The following LCT variants were observed in gnomAD, a reference collection of about 807,000 sequenced individuals.
The protein encoded by LCT is lactase/phlorizin hydrolase.
In LCT, 90 loss-of-function variants were observed where a neutral mutation model predicts 173.0. The ratio of observed to expected loss-of-function variants is 0.52; its 90% CI spans 0.44 to 0.62. The LOEUF (loss-of-function observed/expected upper bound fraction) is 0.62. Among genes scored for constraint, LCT ranks in the 20% least tolerant of loss-of-function variants. The pLI is 0.00. For missense variants in LCT, 1,864 were observed against 2,431.4 expected, an observed-to-expected ratio of 0.77 and a Z score of 4.91; for synonymous variants, 853 against 957.6, an observed-to-expected ratio of 0.89 and a Z score of 2.02.
chr2:135,809,112 A>T lies in LCT; in HGVS notation c.3235T>A (p.Phe1079Ile), dbSNP rs571300558. The change falls in exon 8 of 17, where the codon TTT becomes ATT. Residue 1079 changes from phenylalanine to isoleucine, a missense_variant. By Grantham distance (21) the Phe-to-Ile change is conservative. This residue lies in a region of LCT where 755 missense variants were observed against 926.3 expected (regional missense o/e 0.82). Coordinates refer to ENST00000264162, the MANE Select transcript of LCT (RefSeq NM_002299.4). The surrounding 1 kb of genome is among the most constrained non-coding windows in gnomAD (Gnocchi z 5.5). ...LAWLGYGSGE[F>I]PPGVKDPGWA... ...CCTGGGTCCTTCACCCCTGGGGGAAATTCCCCTGAGCCATAACCTAGCCAT... is the reference window on the plus strand; with the variant it reads ...CCTGGGTCCTTCACCCCTGGGGGAATTTCCCCTGAGCCATAACCTAGCCAT... The T allele has an allele frequency of 6.2e-7, 1 of 1,614,100 alleles. No homozygotes were observed. The highest frequency in any genetic ancestry group is 1.3e-5 in the African/African-American group (1 of 75,042).
At chr2:135,828,513 C>T (rs1488760232) in intron 3 of LCT, among the ~76,000 whole-genome samples, 3 of 152,104 alleles carry the variant, frequency 2.0e-5, no homozygotes, top group African/African-American at 7.2e-5. Context: ...TGGGTGCATA[C>T]CAGTGGCCAG....
At chr2:135,830,170 AC>A (rs1282552381) in intron 2 of LCT, among the ~76,000 whole-genome samples, 1 of 151,728 alleles carries the variant, frequency 6.6e-6, no homozygotes, top group Non-Finnish European at 1.5e-5. Flanking sequence ...TTTGAAGTCC[AC>A]CCCCAGTTAT....
At chr2:135,807,025 T>C in intron 9 of LCT, 103 bp downstream of exon 9, 1 of 1,356,796 alleles carries the variant, frequency 7.4e-7, no homozygotes, top group South Asian at 1.2e-5. Context: ...ATGGGTCTGC[T>C]GGAATCTCCT....
Position 135,790,980 on chromosome 2 carries a change from G to T in LCT, c.5112-99C>A. The stretch of plus-strand genomic sequence containing the variant: ...AGGACTTAGACCAGGAAAAGCCTTA[G>T]GTTTTGTCTAGCCTTAAGAATCATA... On this transcript the variant is annotated intron_variant, in intron 14 of 16. Coordinates refer to ENST00000264162, the MANE Select transcript of LCT (RefSeq NM_002299.4). The surrounding 1 kb of genome is among the most constrained non-coding windows in gnomAD (Gnocchi z 4.1). 1 of 896,456 alleles carries T rather than the reference G, an allele frequency of 1.1e-6. No individual in the cohort carries two copies. Among genetic ancestry groups the T allele is most frequent in the South Asian group, 1.4e-5 (1 of 72,376 alleles). The allele number at this position is 896,456 out of a possible 1,614,324, so 55.5% of individuals were successfully genotyped here.
chr2:135,803,220 A>G (rs897523650), intron 11 of LCT, among the ~76,000 whole-genome samples: 19 of 152,242 alleles, frequency 1.2e-4, no homozygotes, highest in African/African-American at 4.6e-4. Context: ...GAAATGATGA[A>G]TGTTTGAGGT....
At chr2:135,797,997 T>C (rs1235977354) in intron 13 of LCT, 32 bp downstream of exon 13, 2 of 1,222,268 alleles carry the variant, frequency 1.6e-6, no homozygotes, top group Admixed American at 1.7e-5. Flanking sequence ...CCGACGCCCA[T>C]GCCCTCACCA....
chr2:135,795,056 C>T (rs2077571720), intron 13 of LCT, among the ~76,000 whole-genome samples: 1 of 152,212 alleles, frequency 6.6e-6, no homozygotes, highest in Non-Finnish European at 1.5e-5. Context: ...CACACACACA[C>T]ACACACACAC....
At chr2:135,835,400 A>G (rs2105560514) in intron 1 of LCT, among the ~76,000 whole-genome samples, 1 of 150,092 alleles carries the variant, frequency 6.7e-6, no homozygotes, top group South Asian at 2.1e-4. Context: ...TATAGGCATG[A>G]GCCACCATGC....
Position 135,833,119 on chromosome 2 carries a change from G to A in LCT, c.712C>T (p.Leu238Phe). ...TTTTGGGCTGCTGTCACCTGGGCAA[G>A]CGCAGATATGGGTGGTTCTAGCAGG... is the stretch of plus-strand genomic sequence containing the variant. ...ELLLEPPISA[L>F]AQDTVDFLSL... The change falls in exon 2 of 17, where the codon CTT (leucine) becomes TTT (phenylalanine). Residue 238 changes from leucine to phenylalanine, a missense_variant. Physicochemically the swap from Leu to Phe is conservative, Grantham distance 22 (BLOSUM62 0). Transcript: ENST00000264162. 6.2e-7 allele frequency: 1 copy of A among 1,613,260 alleles called. No individual in the cohort carries two copies. Among genetic ancestry groups the A allele is most frequent in the Non-Finnish European group, 8.5e-7 (1 of 1,179,272 alleles).
chr2:135,792,445 A>C (rs546632261), intron 14 of LCT, among the ~76,000 whole-genome samples: 1 of 152,344 alleles, frequency 6.6e-6, no homozygotes, highest in South Asian at 2.1e-4. Flanking sequence ...AGCCACAGCC[A>C]ACAGTGTGGG....
intron 2 of LCT, among the ~76,000 whole-genome samples, chr2:135,831,213 C>T (rs146852515): frequency 2.0e-5 from 3 of 152,250 alleles, no homozygotes; most frequent in Non-Finnish European, 4.4e-5. Context: ...TGTTACTGAG[C>T]GAGGCCTCAG....
chr2:135,798,180 G>C, intron 12 of LCT, 42 bp from the exon 13 acceptor site: 1 of 1,034,836 alleles, frequency 9.7e-7, no homozygotes, highest in South Asian at 1.2e-5. Flanking sequence ...GTTACAGGTG[G>C]GCACAGCAAG....
chr2:135,804,211 G>T, intron 10 of LCT, 83 bp from the exon 11 acceptor site: 1 of 1,075,256 alleles, frequency 9.3e-7, no homozygotes, highest in Non-Finnish European at 1.4e-6. Flanking sequence ...ATCAACGTCT[G>T]CTGCAAATCC....
intron 12 of LCT, 47 bp downstream of exon 12, chr2:135,800,560 G>T: frequency 1.4e-6 from 2 of 1,460,452 alleles, no homozygotes; most frequent in South Asian, 2.3e-5. Context: ...TAGGCTGGAA[G>T]GAAAGATGGA....
rs1471712069 is a variant in LCT at position 135,804,624 on chromosome 2, A to G, written c.4464+143T>C. On this transcript the variant is annotated intron_variant, in intron 10 of 16. Coordinates refer to ENST00000264162, the MANE Select transcript of LCT (RefSeq NM_002299.4). The stretch of plus-strand genomic sequence containing the variant: ...CACTGCACTCCAGCCTGGGTGACAG[A>G]GCGAGACTACGTCTCAAAAACAACA... 4.9e-6 allele frequency: 4 copies of G among 820,646 alleles called. No homozygotes were observed. The East Asian group carries it at 1.1e-4, about 22-fold the overall frequency. 50.8% of individuals were successfully genotyped at this position (820,646 alleles called of 1,614,324 possible).
rs763569970 is a variant in LCT, at chr2:135,807,371, A to G, written c.3930T>C (p.Leu1310=). ...LKAYRLDGID[L]RGYVAWSLMD... Reference sequence around the variant, plus strand: ...TCAGAGACCAGGCGACATACCCTCGAAGGTCTATACCATCGAGCCTGTAGG... The same window carrying G: ...TCAGAGACCAGGCGACATACCCTCGGAGGTCTATACCATCGAGCCTGTAGG... Residue 1310 remains leucine, a synonymous_variant, in exon 9 of 17, where the codon CTT becomes CTC. Coordinates refer to ENST00000264162, the MANE Select transcript of LCT (RefSeq NM_002299.4). 94 of 1,614,022 alleles carry G rather than the reference A, an allele frequency of 5.8e-5. No individual in the cohort carries two copies. The highest frequency in any genetic ancestry group is 7.7e-5 in the Non-Finnish European group (91 of 1,180,024).
At chr2:135,804,553 G>A (rs1011729312) in intron 10 of LCT, among the ~76,000 whole-genome samples, 11 of 152,274 alleles carry the variant, frequency 7.2e-5, no homozygotes, top group East Asian at 5.8e-4. Context: ...ATGGTGATGC[G>A]TGCCTATAAG....
chr2:135,804,943 G>A lies in LCT; in HGVS notation c.4288C>T (p.His1430Tyr). The A allele has an allele frequency of 1.2e-6, 2 of 1,614,212 alleles. No individual in the cohort carries two copies. The highest frequency in any genetic ancestry group is 1.1e-5 in the South Asian group (1 of 91,080). ...GTGACCAGATCCTCAGCAATCTTGTGATAACTGTCACAGGCCACGTCTCCA... is the reference window on the plus strand; with the variant it reads ...GTGACCAGATCCTCAGCAATCTTGTAATAACTGTCACAGGCCACGTCTCCA... ...AIGDVACDSYHKIAEDLVTLQ... is the reference protein window; with the variant it reads ...AIGDVACDSYYKIAEDLVTLQ... Residue 1430 changes from histidine (H) to tyrosine (Y), a missense_variant, in exon 10 of 17, where the codon CAC becomes TAC. Coordinates refer to ENST00000264162, the MANE Select transcript of LCT (RefSeq NM_002299.4).
intron 11 of LCT, among the ~76,000 whole-genome samples, chr2:135,802,078 T>C (rs2077632036): frequency 1.3e-5 from 2 of 152,070 alleles, no homozygotes; most frequent in African/African-American, 2.4e-5. Flanking sequence ...GATACCCTGA[T>C]AGTGAATGCT....
Sources: allele counts gnomAD v4.1 joint callset (sites outside exome capture counted in the v4.1 genomes callset), GRCh38; gene constraint gnomAD v4.1.1; regional missense constraint gnomAD v4.1.1; non-coding constraint Gnocchi (gnomAD v3.1); transcripts MANE v1.5; gene names NCBI Gene and HGNC (gene_info 2026-07-23, HGNC 2026-07-21).